GALNT15: variants seen among roughly 807,000 people sequenced by gnomAD.
GALNT15 encodes the protein polypeptide N-acetylgalactosaminyltransferase 15.
GALNT15 carries 67 observed loss-of-function variants against 66.8 expected under a neutral mutation model. That is an observed-to-expected ratio of 1.00 (90% confidence interval 0.82 to 1.23). The LOEUF is 1.23. GALNT15 is among the 50% of genes most tolerant of loss of function. The probability of loss-of-function intolerance (pLI) is 0.00; values close to 1 mark genes in which losing one functional copy is unlikely to be tolerated. For synonymous variants in GALNT15, 313 were observed against 311.5 expected (o/e 1.00, Z -0.05); for missense variants, 827 against 804.3 (o/e 1.03, Z -0.34).
rs1293341514 is a variant in GALNT15 at position 16,227,889 on chromosome 3, A to G, written c.*389A>G. The G allele has an allele frequency of 9.9e-7, 1 of 1,011,602 alleles. No individual in the cohort carries two copies. Among genetic ancestry groups the G allele is most frequent in the Admixed American group, 5.7e-5 (1 of 17,514 alleles). 62.7% of individuals were successfully genotyped at this position (1,011,602 alleles called of 1,614,324 possible). A position where few individuals can be genotyped will look rare whatever the true frequency, so the allele number is the denominator to read the frequency against. On this transcript the variant is annotated 3_prime_UTR_variant, in exon 10 of 10. Coordinates refer to ENST00000339732, the MANE Select transcript of GALNT15 (RefSeq NM_054110.5). This position sits in a 1 kb window ranked among gnomAD's most constrained non-coding sequence, Gnocchi z 4.5. ...AATTTATTTGTCTTCAAATGGCCTT[A>G]ACTTGGATTGTCTGTTTGGCCAACC...
rs537013644 is a variant in GALNT15 at position 16,187,178 on chromosome 3, C to T, written c.540-8582C>T. Among the ~76,000 whole-genome samples the T allele has an allele frequency of 4.3e-4, 66 of 152,136 alleles. No homozygotes were observed. Among genetic ancestry groups the T allele is most frequent in the African/African-American group, 1.4e-3 (60 of 41,492 alleles). On this transcript the variant is annotated intron_variant, in intron 1 of 9. Transcript: ENST00000339732. The surrounding 1 kb of genome is among the most constrained non-coding windows in gnomAD (Gnocchi z 5.1). ...ACTCAGGAGGCTGAGGTGGGAGAAT[C>T]GCCTGAACCTGGGAGGTGGAGGTTG...
chr3:16,227,998 C>G lies in GALNT15; in HGVS notation c.*498C>G. ...GGTTTATTAGCACAAATGTTGTGTTCATTTGTTGAGCCATATCTCAGAAGA... is the reference window on the plus strand; with the variant it reads ...GGTTTATTAGCACAAATGTTGTGTTGATTTGTTGAGCCATATCTCAGAAGA... On this transcript the variant is annotated 3_prime_UTR_variant, in exon 10 of 10. Coordinates refer to ENST00000339732, the MANE Select transcript of GALNT15 (RefSeq NM_054110.5). This position sits in a 1 kb window ranked among gnomAD's most constrained non-coding sequence, Gnocchi z 4.5. 1.0e-6 allele frequency: 1 copy of G among 988,852 alleles called. No homozygotes were observed. Among genetic ancestry groups the G allele is most frequent in the South Asian group, 4.6e-5 (1 of 21,526 alleles). The allele number at this position is 988,852 out of a possible 1,614,324, so 61.3% of individuals were successfully genotyped here.
chr3:16,196,541 G>A (rs1190614905), intron 2 of GALNT15, among the ~76,000 whole-genome samples: 1 of 152,164 alleles, frequency 6.6e-6, no homozygotes, highest in African/African-American at 2.4e-5. Context: ...AAAAGAAGAT[G>A]GAGACAGAGA....
chr3:16,233,092 A>ATGTTTTTTTTTTTTTTTTTTTT (rs771943641), downstream of GALNT15, among the ~76,000 whole-genome samples: 1 of 48,072 alleles, frequency 2.1e-5, no homozygotes, highest in Non-Finnish European at 4.2e-5. Context: ...AGGATAATGC[A>ATGTTTTTTTTTTTTTTTTTTTT]TCTTTTTTTT....
rs542262225 is a variant in GALNT15, at chr3:16,202,093, T to A, written c.911+1270T>A. On this transcript the variant is annotated intron_variant, in intron 3 of 9. Coordinates refer to ENST00000339732, the MANE Select transcript of GALNT15 (RefSeq NM_054110.5). ...AAAAAATTCCTGGACCAGATCGGAA[T>A]GAATCCTGGAGACATAGGAGTTACC... 3.3e-5 allele frequency among the ~76,000 whole-genome samples: 5 copies of A among 152,344 alleles called. 1 individual carries two copies. The East Asian group carries it at 9.6e-4, about 29-fold the overall frequency.
intron 8 of GALNT15, among the ~76,000 whole-genome samples, chr3:16,220,813 G>A (rs551559311): frequency 2.0e-5 from 3 of 152,340 alleles, no homozygotes; most frequent in African/African-American, 7.2e-5. Flanking sequence ...CTGAGGCTGG[G>A]CTTGGCAGTG....
At chr3:16,196,762 C>G (rs746712697) in intron 2 of GALNT15, among the ~76,000 whole-genome samples, 22 of 152,330 alleles carry the variant, frequency 1.4e-4, no homozygotes, top group Admixed American at 2.6e-4. Flanking sequence ...CTGCTCTAGT[C>G]TTTGGCTTGG....
chr3:16,229,514 A>G lies in GALNT15; in HGVS notation c.*2014A>G. 1.0e-6 allele frequency: 1 copy of G among 984,950 alleles called. No individual in the cohort carries two copies. Among genetic ancestry groups the G allele is most frequent in the Non-Finnish European group, 1.2e-6 (1 of 829,480 alleles). The allele number at this position is 984,950 out of a possible 1,614,324, so 61.0% of individuals were successfully genotyped here. A position where few individuals can be genotyped will look rare whatever the true frequency, so the allele number is the denominator to read the frequency against. ...CCCATCTAGAGAAGAGACTTTAGTC[A>G]CTGTCTTCTTGCTTCAGACCCATCT... On this transcript the variant is annotated 3_prime_UTR_variant, in exon 10 of 10. Coordinates refer to ENST00000339732, the MANE Select transcript of GALNT15 (RefSeq NM_054110.5).
In GALNT15 at chr3:16,193,623, C is replaced by T. The variant is rs554138605; in HGVS notation, c.540-2137C>T. ...AGGTTTCCTGTGCATTGAGAGTTTTCTGCCTTTCTTAGGACTGGTACCAAG... is the reference window on the plus strand; with the variant it reads ...AGGTTTCCTGTGCATTGAGAGTTTTTTGCCTTTCTTAGGACTGGTACCAAG... On this transcript the variant is annotated intron_variant, in intron 1 of 9. Coordinates refer to ENST00000339732, the MANE Select transcript of GALNT15 (RefSeq NM_054110.5). The surrounding 1 kb of genome is among the most constrained non-coding windows in gnomAD (Gnocchi z 4.7). Among the ~76,000 whole-genome samples, 1 of 152,320 alleles carries T rather than the reference C, an allele frequency of 6.6e-6. No individual in the cohort carries two copies. The highest frequency in any genetic ancestry group is 2.1e-4 in the South Asian group (1 of 4,826).
chr3:16,227,299 T>C lies in GALNT15; in HGVS notation c.1774-55T>C. On this transcript the variant is annotated intron_variant, in intron 9 of 9. Coordinates refer to ENST00000339732, the MANE Select transcript of GALNT15 (RefSeq NM_054110.5). The surrounding 1 kb of genome is among the most constrained non-coding windows in gnomAD (Gnocchi z 4.5). Reference sequence around the variant, plus strand: ...CACAAATCTTAAAAATATTTTCTTTTGCTGACTGATTGTGGGGGACTGGTT... The same window carrying C: ...CACAAATCTTAAAAATATTTTCTTTCGCTGACTGATTGTGGGGGACTGGTT... 1 of 1,558,094 alleles carries C rather than the reference T, an allele frequency of 6.4e-7. No homozygotes were observed. The highest frequency in any genetic ancestry group is 8.7e-7 in the Non-Finnish European group (1 of 1,150,374).
chr3:16,184,874 G>A lies in GALNT15; in HGVS notation c.539+9184G>A, dbSNP rs2063502936. On this transcript the variant is annotated intron_variant, in intron 1 of 9. Transcript: ENST00000339732. This position sits in a 1 kb window ranked among gnomAD's most constrained non-coding sequence, Gnocchi z 5.0. Reference sequence around the variant, plus strand: ...GCCCTTAGGGGTGAGGGTGCTGGGTGTTTAATAAACCAACTCTTTTCAATC... The same window carrying A: ...GCCCTTAGGGGTGAGGGTGCTGGGTATTTAATAAACCAACTCTTTTCAATC... 6.6e-6 allele frequency among the ~76,000 whole-genome samples: 1 copy of A among 152,186 alleles called. No homozygotes were observed. Among genetic ancestry groups the A allele is most frequent in the African/African-American group, 2.4e-5 (1 of 41,452 alleles).
At position 16,219,747 on chromosome 3, in the gene GALNT15, T is replaced by C. The variant is rs1265109390; in HGVS notation, c.1525-163T>C. On this transcript the variant is annotated intron_variant, in intron 7 of 9. Transcript: ENST00000339732. The surrounding 1 kb of genome is among the most constrained non-coding windows in gnomAD (Gnocchi z 4.3). Reference sequence around the variant, plus strand: ...CAAAGCACCTCCTTCAAGAGGCCTGTCCCTTAGGGTCAGTGGCTTCAGCTT... The same window carrying C: ...CAAAGCACCTCCTTCAAGAGGCCTGCCCCTTAGGGTCAGTGGCTTCAGCTT... Among the ~76,000 whole-genome samples the C allele has an allele frequency of 6.6e-6, 1 of 152,228 alleles. No individual in the cohort carries two copies. The highest frequency in any genetic ancestry group is 1.5e-5 in the Non-Finnish European group (1 of 68,038).
Position 16,229,251 on chromosome 3 carries a change from C to G in GALNT15, c.*1751C>G. On this transcript the variant is annotated 3_prime_UTR_variant, in exon 10 of 10. Transcript: ENST00000339732. Reference sequence around the variant, plus strand: ...AGGGTTCACTGCATTTCTCCTTCCTCAGAATACACTCTGGACCTGTGCTGT... The same window carrying G: ...AGGGTTCACTGCATTTCTCCTTCCTGAGAATACACTCTGGACCTGTGCTGT... 3 of 985,008 alleles carry G rather than the reference C, an allele frequency of 3.0e-6. No homozygotes were observed. Among genetic ancestry groups the G allele is most frequent in the Non-Finnish European group, 3.6e-6 (3 of 829,576 alleles). 61.0% of individuals were successfully genotyped at this position (985,008 alleles called of 1,614,324 possible).
downstream of GALNT15, among the ~76,000 whole-genome samples, chr3:16,233,988 T>A (rs565528652): frequency 1.2e-4 from 19 of 152,294 alleles, no homozygotes; most frequent in East Asian, 3.5e-3. Context: ...TACAGTGGAT[T>A]TTCATAGAGG....
At chr3:16,202,226 C>G (rs2063711535) in intron 3 of GALNT15, among the ~76,000 whole-genome samples, 2 of 152,228 alleles carry the variant, frequency 1.3e-5, no homozygotes, top group Admixed American at 1.3e-4. Flanking sequence ...CAAGTGAGAT[C>G]AAGACAGATT....
chr3:16,197,195 C>A (rs1039485430), intron 2 of GALNT15, among the ~76,000 whole-genome samples: 1 of 152,186 alleles, frequency 6.6e-6, no homozygotes, highest in Non-Finnish European at 1.5e-5. Context: ...CTGTGCCCCT[C>A]GGGAGTACGG....
the GALNT15 span, among the ~76,000 whole-genome samples, chr3:16,246,453 G>A: frequency 6.7e-6 from 1 of 150,034 alleles, no homozygotes; most frequent in Non-Finnish European, 1.5e-5. Context: ...AGCCTCCTGA[G>A]TAGCTGGGAC....
chr3:16,197,394 C>G (rs1424567335), intron 2 of GALNT15, among the ~76,000 whole-genome samples: 1 of 152,158 alleles, frequency 6.6e-6, no homozygotes, highest in African/African-American at 2.4e-5. Flanking sequence ...GGTGCAAGGC[C>G]TTTTCCACAA....
Position 16,184,295 on chromosome 3 carries a change from GA to G in GALNT15, c.539+8606del, listed in dbSNP as rs1216290964. Among the ~76,000 whole-genome samples the G allele has an allele frequency of 5.3e-5, 8 of 152,274 alleles. No homozygotes were observed. Among genetic ancestry groups the G allele is most frequent in the African/African-American group, 1.4e-4 (6 of 41,554 alleles). ...CAATAAAAACATACATTTCTTCCTGGATCCTCTGCATAAGTCCCTAGTCACT... is the reference window on the plus strand; with the variant it reads ...CAATAAAAACATACATTTCTTCCTGGTCCTCTGCATAAGTCCCTAGTCACT... On this transcript the variant is annotated intron_variant, in intron 1 of 9. Coordinates refer to ENST00000339732, the MANE Select transcript of GALNT15 (RefSeq NM_054110.5). The surrounding 1 kb of genome is among the most constrained non-coding windows in gnomAD (Gnocchi z 5.0).
Sources: gnomAD v4.1 joint callset for allele counts (sites outside exome capture counted in the v4.1 genomes callset) on GRCh38, gnomAD v4.1.1 for gene constraint, Gnocchi (gnomAD v3.1) non-coding constraint, MANE v1.5 for transcripts, NCBI Gene and HGNC (gene_info 2026-07-23, HGNC 2026-07-21) for gene names.